Variants in ATF6 observed in about 807,000 individuals in gnomAD.
ATF6 encodes the protein cyclic AMP-dependent transcription factor ATF-6 alpha.
In ATF6, 53 loss-of-function variants were observed where a neutral mutation model predicts 83.6. The ratio of observed to expected loss-of-function variants is 0.63; its 90% CI spans 0.51 to 0.80. The LOEUF is 0.80. Among genes scored for constraint, ATF6 ranks in the 30% least tolerant of loss-of-function variants. ATF6 has a pLI of 0.00. For missense variants in ATF6, 744 were observed against 797.9 expected (o/e 0.93, Z 0.81); for synonymous variants, 288 against 285.8 (o/e 1.01, Z -0.08).
At chr1:161,868,160 A>G (rs1359480463) in intron 14 of ATF6, among the ~76,000 whole-genome samples, 1 of 152,128 alleles carries the variant, frequency 6.6e-6, no homozygotes, top group Non-Finnish European at 1.5e-5. Flanking sequence ...ATTCCACTTT[A>G]GTCTTTTTTT....
intron 7 of ATF6, among the ~76,000 whole-genome samples, chr1:161,804,427 A>G (rs1343723294): frequency 6.6e-6 from 1 of 152,154 alleles, no homozygotes; most frequent in Non-Finnish European, 1.5e-5. Flanking sequence ...GAGAGTATCT[A>G]GAAACCATGG....
intron 14 of ATF6, among the ~76,000 whole-genome samples, chr1:161,865,809 A>T (rs1558002215): frequency 6.6e-6 from 1 of 151,768 alleles, no homozygotes; most frequent in African/African-American, 2.4e-5. Flanking sequence ...CATCCTTTTT[A>T]TTTTTTTTGT....
chr1:161,784,866 C>A (rs1684712072), intron 4 of ATF6, among the ~76,000 whole-genome samples: 1 of 152,158 alleles, frequency 6.6e-6, no homozygotes, highest in Non-Finnish European at 1.5e-5. Context: ...AACTGGTCAG[C>A]CTTACAACTC....
intron 10 of ATF6, among the ~76,000 whole-genome samples, chr1:161,849,389 T>C (rs1004965405): frequency 6.6e-6 from 1 of 152,192 alleles, no homozygotes; most frequent in African/African-American, 2.4e-5. Context: ...TCCTCTGCTA[T>C]TGTTTCTTTT....
At chr1:161,815,481 A>G (rs1173987043) in intron 7 of ATF6, among the ~76,000 whole-genome samples, 1 of 150,978 alleles carries the variant, frequency 6.6e-6, no homozygotes, top group Non-Finnish European at 1.5e-5. Context: ...GTGAGCCACC[A>G]CTACTGGCTC....
intron 15 of ATF6, among the ~76,000 whole-genome samples, chr1:161,942,116 A>T (rs1415768597): frequency 6.6e-6 from 1 of 152,172 alleles, no homozygotes; most frequent in Non-Finnish European, 1.5e-5. Flanking sequence ...TCCTTAATGT[A>T]AGTCTTAATC....
intron 9 of ATF6, among the ~76,000 whole-genome samples, chr1:161,829,188 A>ATTTTTTTT (rs1474053685): frequency 8.6e-6 from 1 of 115,612 alleles, no homozygotes; most frequent in Non-Finnish European, 1.8e-5. Context: ...ATAATGGGAG[A>ATTTTTTTT]CTTTTTTTTT....
intron 9 of ATF6, among the ~76,000 whole-genome samples, chr1:161,830,878 A>C (rs1280349583): frequency 6.6e-6 from 1 of 152,264 alleles, no homozygotes; most frequent in Admixed American, 6.5e-5. Context: ...CATTCAGGAC[A>C]TAGGCAAGGG....
chr1:161,767,004 T>A (rs1373828150), intron 1 of ATF6, among the ~76,000 whole-genome samples: 1 of 152,140 alleles, frequency 6.6e-6, no homozygotes, highest in Non-Finnish European at 1.5e-5. Flanking sequence ...TCCTGACTGC[T>A]CTCCAGATAC....
In ATF6 at chr1:161,860,277, G is replaced by T; in HGVS notation, c.1604G>T (p.Ser535Ile). The change falls in exon 13 of 16, where the codon AGC (serine) becomes ATC (isoleucine). Residue 535 changes from serine (S) to isoleucine (I), a missense_variant and splice_region_variant. Transcript: ENST00000367942. The part of the protein sequence containing the change: ...VQYTETTSSI[S>I]RNSGSELQVY... ...TACACAGAAACCACTAGTAGTATCA[G>T]GTAAGACAGTGCAGAAGCTCTTGGC... The T allele has an allele frequency of 1.9e-6, 3 of 1,569,770 alleles. No homozygotes were observed. Among genetic ancestry groups the T allele is most frequent in the Non-Finnish European group, 2.6e-6 (3 of 1,159,310 alleles).
At chr1:161,791,605 GA>G in intron 5 of ATF6, 68 bp downstream of exon 5, 1 of 1,485,282 alleles carries the variant, frequency 6.7e-7, no homozygotes, top group Non-Finnish European at 9.0e-7. Context: ...TTTCTTAAAA[GA>G]AAATGCTGGA....
chr1:161,839,119 T>C (rs1686292993), intron 9 of ATF6, among the ~76,000 whole-genome samples: 1 of 152,178 alleles, frequency 6.6e-6, no homozygotes, highest in African/African-American at 2.4e-5. Flanking sequence ...TTCCCTAAAA[T>C]GTAGATCTTG....
At position 161,766,356 on chromosome 1, in the gene ATF6, G is replaced by C; in HGVS notation, c.-5G>C. 6.2e-7 allele frequency: 1 copy of C among 1,613,134 alleles called. No individual in the cohort carries two copies. The highest frequency in any genetic ancestry group is 8.5e-7 in the Non-Finnish European group (1 of 1,179,504). ...ACGGAGTTCCAGGGAGAAGGAACTT[G>C]TGAAATGGGGGAGCCGGCTGGGGTT... On this transcript the variant is annotated 5_prime_UTR_variant, in exon 1 of 16. Transcript: ENST00000367942.
At chr1:161,874,844 C>T (rs1687178056) in intron 14 of ATF6, among the ~76,000 whole-genome samples, 1 of 151,652 alleles carries the variant, frequency 6.6e-6, no homozygotes, top group East Asian at 1.9e-4. Flanking sequence ...TGTAGGCAGA[C>T]ATTTTCTGAT....
chr1:161,892,765 G>A (rs10918137), intron 14 of ATF6, among the ~76,000 whole-genome samples: 74,502 of 151,016 alleles, frequency 0.49, 22,349 homozygotes, highest in Middle Eastern at 0.67. Flanking sequence ...GCCTTCCTTA[G>A]TACCTGGGAC....
At chr1:161,848,832 TG>T (rs1163273440) in intron 10 of ATF6, among the ~76,000 whole-genome samples, 1 of 152,180 alleles carries the variant, frequency 6.6e-6, no homozygotes, top group Admixed American at 6.6e-5. Context: ...TGACTGTTCC[TG>T]GGCTAATGTT....
chr1:161,784,025 C>G lies in ATF6; in HGVS notation c.283C>G (p.Pro95Ala). Residue 95 changes from proline to alanine, a missense_variant, in exon 4 of 16, where the codon CCA becomes GCA. By Grantham distance (27) the Pro-to-Ala change is conservative (BLOSUM62 -1). Coordinates refer to ENST00000367942, the MANE Select transcript of ATF6 (RefSeq NM_007348.4). ...DIKAEPQPLSPASSSYSVSSP... is the reference protein window; with the variant it reads ...DIKAEPQPLSAASSSYSVSSP... ...TAAGGCAGAACCTCAGCCACTTTCT[C>G]CAGCCTCCTCAAGTTATTCAGTCTC... The G allele has an allele frequency of 6.2e-7, 1 of 1,613,770 alleles. No individual in the cohort carries two copies. The highest frequency in any genetic ancestry group is 1.3e-5 in the African/African-American group (1 of 75,032).
chr1:161,945,756 T>C (rs1214433778), intron 15 of ATF6, among the ~76,000 whole-genome samples: 5 of 152,330 alleles, frequency 3.3e-5, no homozygotes, highest in East Asian at 1.9e-4. Context: ...ACCAACTTGA[T>C]TGTAAACTGC....
chr1:161,793,012 G>T (rs1684920001), intron 6 of ATF6, among the ~76,000 whole-genome samples: 1 of 152,040 alleles, frequency 6.6e-6, no homozygotes, highest in African/African-American at 2.4e-5. Flanking sequence ...GTATACACTG[G>T]GTACAAGAAA....
Sources: gnomAD v4.1 joint callset for allele counts (sites outside exome capture counted in the v4.1 genomes callset) on GRCh38, gnomAD v4.1.1 for gene constraint, MANE v1.5 for transcripts, NCBI Gene and HGNC (gene_info 2026-07-23, HGNC 2026-07-21) for gene names.